The following STRN variants were observed in gnomAD, a reference collection of about 807,000 sequenced individuals.
The protein encoded by STRN is protein phosphatase 2 regulatory subunit B'''alpha.
In STRN, 53 loss-of-function variants were observed where a neutral mutation model predicts 96.3. That is an observed-to-expected ratio of 0.55 (90% confidence interval 0.44 to 0.69). The LOEUF (loss-of-function observed/expected upper bound fraction) is 0.69. Ranked by LOEUF, STRN falls within the 30% of genes least tolerant of loss-of-function variation. STRN has a pLI of 0.00. For synonymous variants in STRN, 428 were observed against 355.9 expected (o/e 1.20, Z -2.28); for missense variants, 987 against 963.9 (o/e 1.02, Z -0.32).
chr2:36,869,936 G>T (rs1052485357), intron 10 of STRN, among the ~76,000 whole-genome samples: 5 of 151,918 alleles, frequency 3.3e-5, no homozygotes, highest in African/African-American at 1.2e-4. Context: ...AAATATGAAA[G>T]GTGTATTACA....
chr2:36,884,171 G>C, intron 8 of STRN, 96 bp from the exon 9 acceptor site: 2 of 1,093,112 alleles, frequency 1.8e-6, no homozygotes, highest in Non-Finnish European at 2.4e-6. Context: ...TTTTCCATCT[G>C]TCAATATTTA....
intron 15 of STRN, among the ~76,000 whole-genome samples, chr2:36,853,317 G>A (rs1050108133): frequency 2.0e-5 from 3 of 151,994 alleles, no homozygotes; most frequent in Non-Finnish European, 2.9e-5. Context: ...CAACACCCGT[G>A]GTAAAGTCCA....
chr2:36,865,973 T>G (rs546546235), intron 12 of STRN, among the ~76,000 whole-genome samples: 30 of 152,348 alleles, frequency 2.0e-4, no homozygotes, highest in African/African-American at 7.2e-4. Flanking sequence ...AAAGAATTTC[T>G]TGATTTTTGC....
At chr2:36,905,229 A>G (rs1295560803) in intron 4 of STRN, among the ~76,000 whole-genome samples, 1 of 152,164 alleles carries the variant, frequency 6.6e-6, no homozygotes, top group Non-Finnish European at 1.5e-5. Flanking sequence ...TTGACCTCCC[A>G]AAGTGCTGGG....
At chr2:36,866,283 C>T (rs1668620722) in intron 12 of STRN, among the ~76,000 whole-genome samples, 1 of 152,056 alleles carries the variant, frequency 6.6e-6, no homozygotes, top group Non-Finnish European at 1.5e-5. Context: ...CCAGGCTGGT[C>T]CAGAACTTCT....
intron 1 of STRN, among the ~76,000 whole-genome samples, chr2:36,956,721 T>C (rs371768292): frequency 5.9e-5 from 9 of 152,314 alleles, no homozygotes; most frequent in African/African-American, 1.9e-4. Flanking sequence ...TAGGTCTCCC[T>C]TTACCATTCA....
chr2:36,951,354 T>A (rs1396449084), intron 1 of STRN, among the ~76,000 whole-genome samples: 1 of 152,196 alleles, frequency 6.6e-6, no homozygotes, highest in East Asian at 1.9e-4. Flanking sequence ...TCAAAATGAT[T>A]TGGTATGGCC....
chr2:36,933,490 A>T (rs1670625534), intron 1 of STRN, among the ~76,000 whole-genome samples: 2 of 152,218 alleles, frequency 1.3e-5, no homozygotes, highest in African/African-American at 4.8e-5. Context: ...AGACAGTATG[A>T]TATTCATAGA....
intron 12 of STRN, among the ~76,000 whole-genome samples, chr2:36,863,196 T>C (rs1165529417): frequency 1.3e-5 from 2 of 152,226 alleles, no homozygotes; most frequent in African/African-American, 4.8e-5. Flanking sequence ...TTTGTCATTT[T>C]TTTTTTTGGT....
chr2:36,957,326 G>A (rs1383377800), intron 1 of STRN, among the ~76,000 whole-genome samples: 7 of 152,288 alleles, frequency 4.6e-5, no homozygotes, highest in African/African-American at 1.2e-4. Context: ...AGTGGCTCAC[G>A]TCTGTAATTC....
At chr2:36,960,647 C>A (rs911259749) in intron 1 of STRN, among the ~76,000 whole-genome samples, 1 of 152,100 alleles carries the variant, frequency 6.6e-6, no homozygotes, top group African/African-American at 2.4e-5. Flanking sequence ...AACTAAGGCT[C>A]TGAGAGATCA....
At chr2:36,880,878 G>A (rs1008736708) in intron 9 of STRN, among the ~76,000 whole-genome samples, 2 of 152,120 alleles carry the variant, frequency 1.3e-5, no homozygotes, top group East Asian at 1.9e-4. Context: ...AGTAAAACCT[G>A]AAAACAAAGG....
chr2:36,890,917 G>A (rs1376605129), intron 7 of STRN, among the ~76,000 whole-genome samples: 1 of 152,122 alleles, frequency 6.6e-6, no homozygotes, highest in Non-Finnish European at 1.5e-5. Flanking sequence ...TCCTCTCATA[G>A]GAAGCTCCAA....
At chr2:36,910,683 G>C (rs1442360229) in intron 3 of STRN, among the ~76,000 whole-genome samples, 1 of 152,018 alleles carries the variant, frequency 6.6e-6, no homozygotes, top group Non-Finnish European at 1.5e-5. Flanking sequence ...AAAGAAACAA[G>C]AACAGACTGA....
rs1047199138 is a variant in STRN, at chr2:36,840,943, T to C, written c.*8513A>G. 6.6e-6 allele frequency: 1 copy of C among 152,094 alleles called. No individual in the cohort carries two copies. Among genetic ancestry groups the C allele is most frequent in the African/African-American group, 2.4e-5 (1 of 41,422 alleles). 9.4% of individuals were successfully genotyped at this position (152,094 alleles called of 1,614,324 possible). On this transcript the variant is annotated 3_prime_UTR_variant, in exon 18 of 18. Transcript: ENST00000263918. ...GTATTCCAAAAATAATTTCTGAAAA[T>C]CACAGGAAAGAAAACTTTTGTGTAT... is the stretch of plus-strand genomic sequence containing the variant.
intron 7 of STRN, among the ~76,000 whole-genome samples, chr2:36,890,248 C>T (rs1055803675): frequency 1.3e-5 from 2 of 152,182 alleles, no homozygotes; most frequent in African/African-American, 4.8e-5. Flanking sequence ...GACTTGTTTT[C>T]TTGAAAGAAA....
rs1420135858 is a variant in STRN at position 36,840,709 on chromosome 2, G to A, written c.*8747C>T. The A allele has an allele frequency of 6.6e-6, 1 of 152,092 alleles. No homozygotes were observed. The highest frequency in any genetic ancestry group is 1.5e-5 in the Non-Finnish European group (1 of 68,002). 9.4% of individuals were successfully genotyped at this position (152,092 alleles called of 1,614,324 possible). On this transcript the variant is annotated 3_prime_UTR_variant, in exon 18 of 18. Transcript: ENST00000263918. ...ACGAACATGGTCTGTGCCTTAGGGA[G>A]CTTATATAGACAAAAGCAAACAAAT...
rs1359223060 is a variant in STRN at position 36,846,455 on chromosome 2, AAT to A, written c.*2999_*3000del. ...GTTTATATATTATATATATTCTTAC[AAT>A]ATATATAATATATATTTATAAAATA... On this transcript the variant is annotated 3_prime_UTR_variant, in exon 18 of 18. Transcript: ENST00000263918. 3.0e-5 allele frequency: 4 copies of A among 134,038 alleles called. No individual in the cohort carries two copies. Among genetic ancestry groups the A allele is most frequent in the South Asian group, 2.3e-4 (1 of 4,312 alleles). The allele number at this position is 134,038 out of a possible 1,614,324, so 8.3% of individuals were successfully genotyped here. A position where few individuals can be genotyped will look rare whatever the true frequency, so the allele number is the denominator to read the frequency against.
intron 11 of STRN, among the ~76,000 whole-genome samples, chr2:36,868,667 C>G (rs1668688964): frequency 6.6e-6 from 1 of 152,188 alleles, no homozygotes; most frequent in African/African-American, 2.4e-5. Context: ...GTTGAGCTAT[C>G]TGAAGCAGAC....
Sources: gnomAD v4.1 joint callset for allele counts (sites outside exome capture counted in the v4.1 genomes callset) on GRCh38, gnomAD v4.1.1 for gene constraint, MANE v1.5 for transcripts, NCBI Gene and HGNC (gene_info 2026-07-23, HGNC 2026-07-21) for gene names.